LSAMP: variants seen among roughly 807,000 people sequenced by gnomAD.
LSAMP encodes the protein limbic system-associated membrane protein.
In LSAMP, 7 loss-of-function variants were observed where a neutral mutation model predicts 38.6. The ratio of observed to expected loss-of-function variants is 0.18; its 90% CI spans 0.10 to 0.34. LSAMP has a LOEUF of 0.34. Among genes scored for constraint, LSAMP ranks in the 10% least tolerant of loss-of-function variants. The probability of loss-of-function intolerance (pLI) is 1.00; values close to 1 mark genes in which losing one functional copy is unlikely to be tolerated. For missense variants in LSAMP, 313 were observed against 420.0 expected (o/e 0.75, Z 2.23); for synonymous variants, 154 against 166.8 (o/e 0.92, Z 0.59).
intron 2 of LSAMP, among the ~76,000 whole-genome samples, chr3:116,084,795 T>C (rs1397466283): frequency 6.6e-6 from 1 of 151,942 alleles, no homozygotes; most frequent in Non-Finnish European, 1.5e-5. Flanking sequence ...TAAAGAAATA[T>C]ATGAATAAAC....
chr3:116,425,001 G>GA (rs775969635), intron 1 of LSAMP, among the ~76,000 whole-genome samples: 368 of 131,446 alleles, frequency 2.8e-3, no homozygotes, highest in South Asian at 0.013. Context: ...GTTGAAGAAG[G>GA]AAAAAAAAAA....
intron 1 of LSAMP, among the ~76,000 whole-genome samples, chr3:116,280,392 T>C (rs1223872254): frequency 2.0e-5 from 3 of 152,192 alleles, no homozygotes; most frequent in African/African-American, 4.8e-5. Flanking sequence ...GCTTTCTTTC[T>C]TGTATTAAAC....
At chr3:115,855,247 G>T (rs1935470402) in intron 3 of LSAMP, among the ~76,000 whole-genome samples, 2 of 152,198 alleles carry the variant, frequency 1.3e-5, no homozygotes, top group Non-Finnish European at 2.9e-5. Context: ...AATTCTGGAA[G>T]ATGGCACCTA....
At chr3:116,092,536 T>C (rs1708146569) in intron 1 of LSAMP, among the ~76,000 whole-genome samples, 1 of 152,154 alleles carries the variant, frequency 6.6e-6, no homozygotes, top group Non-Finnish European at 1.5e-5. Context: ...TTAAAAAAAT[T>C]AGGAAAGGTA....
intron 2 of LSAMP, among the ~76,000 whole-genome samples, chr3:116,039,218 A>G (rs1476756962): frequency 6.6e-6 from 1 of 152,206 alleles, no homozygotes; most frequent in Non-Finnish European, 1.5e-5. Flanking sequence ...ACATAAGCAA[A>G]TCTACATTTG....
At chr3:116,156,930 A>G (rs1334048721) in intron 1 of LSAMP, among the ~76,000 whole-genome samples, 1 of 152,158 alleles carries the variant, frequency 6.6e-6, no homozygotes, top group Non-Finnish European at 1.5e-5. Flanking sequence ...ACCTGTGGAT[A>G]GATGCTTCCA....
chr3:116,176,537 C>A (rs543578780), intron 1 of LSAMP, among the ~76,000 whole-genome samples: 46 of 152,192 alleles, frequency 3.0e-4, no homozygotes, highest in African/African-American at 1.1e-3. Context: ...AAACAATCAA[C>A]CAGGCAACCA....
At chr3:115,880,103 A>G (rs1314194379) in intron 3 of LSAMP, among the ~76,000 whole-genome samples, 2 of 152,154 alleles carry the variant, frequency 1.3e-5, no homozygotes, top group Non-Finnish European at 2.9e-5. Context: ...GCCTAAACCA[A>G]CATACACTGG....
chr3:116,414,055 T>C (rs1213638266), intron 1 of LSAMP, among the ~76,000 whole-genome samples: 2 of 152,072 alleles, frequency 1.3e-5, no homozygotes, highest in Non-Finnish European at 2.9e-5. Flanking sequence ...AAATATCCAA[T>C]TGAAGGAATG....
intron 2 of LSAMP, among the ~76,000 whole-genome samples, chr3:116,019,998 T>G (rs756561095): frequency 2.0e-5 from 3 of 152,096 alleles, no homozygotes; most frequent in Non-Finnish European, 4.4e-5. Flanking sequence ...TTAAATTTAT[T>G]TTCTTATGTA....
At chr3:116,176,344 A>G (rs1367715903) in intron 1 of LSAMP, among the ~76,000 whole-genome samples, 1 of 152,176 alleles carries the variant, frequency 6.6e-6, no homozygotes, top group Non-Finnish European at 1.5e-5. Flanking sequence ...TAAGTACAGT[A>G]CTAGTACAGA....
chr3:115,876,256 TA>T (rs57144373), intron 3 of LSAMP, among the ~76,000 whole-genome samples: 27,735 of 135,212 alleles, frequency 0.21, 3,418 homozygotes, highest in African/African-American at 0.35. Context: ...TGTTCTGATT[TA>T]AAAAAAAAAA....
intron 3 of LSAMP, among the ~76,000 whole-genome samples, chr3:115,895,715 C>T (rs1359646498): frequency 6.6e-6 from 1 of 151,932 alleles, no homozygotes; most frequent in African/African-American, 2.4e-5. Context: ...TTATTCCTGG[C>T]AGAATACAAA....
At chr3:116,136,220 T>C (rs1709244798) in intron 1 of LSAMP, among the ~76,000 whole-genome samples, 1 of 152,166 alleles carries the variant, frequency 6.6e-6, no homozygotes, top group African/African-American at 2.4e-5. Context: ...GGAGCATGTT[T>C]GGAACAAATT....
At chr3:115,989,858 CT>C (rs1939617676) in intron 3 of LSAMP, among the ~76,000 whole-genome samples, 1 of 151,952 alleles carries the variant, frequency 6.6e-6, no homozygotes, top group Admixed American at 6.6e-5. Flanking sequence ...AGGCTGAGGA[CT>C]TGATTTAGAG....
chr3:116,067,489 T>C (rs554453696), intron 2 of LSAMP, among the ~76,000 whole-genome samples: 1 of 152,274 alleles, frequency 6.6e-6, no homozygotes, highest in East Asian at 1.9e-4. Context: ...ATGCAAATCA[T>C]AGATGTATAC....
intron 1 of LSAMP, among the ~76,000 whole-genome samples, chr3:116,248,353 C>T (rs1227774981): frequency 6.6e-6 from 1 of 151,978 alleles, no homozygotes; most frequent in Admixed American, 6.6e-5. Context: ...AACTTTGGGG[C>T]AAACTGGACA....
chr3:116,014,157 C>A (rs2107679884), intron 3 of LSAMP, among the ~76,000 whole-genome samples: 1 of 152,212 alleles, frequency 6.6e-6, no homozygotes, highest in Admixed American at 6.5e-5. Context: ...GCATGTGCAC[C>A]AATTTAGGAT....
chr3:116,316,161 G>A lies in LSAMP; in HGVS notation c.155+128716C>T, dbSNP rs147445684. 4.8e-3 allele frequency among the ~76,000 whole-genome samples: 724 copies of A among 152,266 alleles called. 4 individuals carry two copies. Among genetic ancestry groups the A allele is most frequent in the African/African-American group, 0.017 (686 of 41,536 alleles). ...AGTGTATTTGATTCAGGGCCTTGAC[G>A]ATAAGTTGAAATGCTGAGATGTAAC... On this transcript the variant is annotated intron_variant, in intron 1 of 6. Coordinates refer to ENST00000490035, the MANE Select transcript of LSAMP (RefSeq NM_002338.5).
Sources: allele counts gnomAD v4.1 joint callset (sites outside exome capture counted in the v4.1 genomes callset), GRCh38; gene constraint gnomAD v4.1.1; transcripts MANE v1.5; gene names NCBI Gene and HGNC (gene_info 2026-07-23, HGNC 2026-07-21).